Variants in BPNT2 observed in about 807,000 individuals in gnomAD.
BPNT2 encodes the protein 3'(2'), 5'-bisphosphate nucleotidase 2.
Under a neutral mutation model 29.3 loss-of-function variants are expected in BPNT2, and 11 were observed. That is an observed-to-expected ratio of 0.38 (90% CI 0.24 to 0.62). The LOEUF (loss-of-function observed/expected upper bound fraction) is 0.62. BPNT2 is among the 20% of genes least tolerant of loss of function. BPNT2 has a pLI of 0.62. For missense variants in BPNT2, 459 were observed against 473.4 expected (o/e 0.97, Z 0.28); for synonymous variants, 195 against 187.7 (o/e 1.04, Z -0.32).
intron 3 of BPNT2, among the ~76,000 whole-genome samples, chr8:56,969,850 C>A (rs1444692295): frequency 1.3e-5 from 2 of 152,146 alleles, no homozygotes; most frequent in African/African-American, 4.8e-5. Flanking sequence ...AGAGAGGAAG[C>A]CTGTTCCTTC....
chr8:56,961,172 A>G lies in BPNT2; in HGVS notation c.*2621T>C, dbSNP rs1049383938. ...ATATTTTAAGAAAAATTGCCTCAAA[A>G]TAAGGGCAACAGTGAAGAAAAGACC... is the stretch of plus-strand genomic sequence containing the variant. On this transcript the variant is annotated 3_prime_UTR_variant, in exon 5 of 5. Transcript: ENST00000262644. 3 of 152,190 alleles carry G rather than the reference A, an allele frequency of 2.0e-5. No homozygotes were observed. The highest frequency in any genetic ancestry group is 7.2e-5 in the African/African-American group (3 of 41,444). 9.4% of individuals were successfully genotyped at this position (152,190 alleles called of 1,614,324 possible).
intron 3 of BPNT2, among the ~76,000 whole-genome samples, chr8:56,969,936 G>T (rs1806004919): frequency 6.6e-6 from 1 of 152,042 alleles, no homozygotes; most frequent in African/African-American, 2.4e-5. Context: ...TAAAGTAAAA[G>T]AATTAAACAT....
In BPNT2 at chr8:56,960,267, C is replaced by T. The variant is rs746323333; in HGVS notation, c.*3526G>A. On this transcript the variant is annotated 3_prime_UTR_variant, in exon 5 of 5. Coordinates refer to ENST00000262644, the MANE Select transcript of BPNT2 (RefSeq NM_017813.5). Reference sequence around the variant, plus strand: ...TCACCTTCAAAGCCTAAGTGAGATCCAATTTTTGAATTCAACATGAAACAA... The same window carrying T: ...TCACCTTCAAAGCCTAAGTGAGATCTAATTTTTGAATTCAACATGAAACAA... 1 of 152,190 alleles carries T rather than the reference C, an allele frequency of 6.6e-6. No homozygotes were observed. The highest frequency in any genetic ancestry group is 1.5e-5 in the Non-Finnish European group (1 of 68,042). 9.4% of individuals were successfully genotyped at this position (152,190 alleles called of 1,614,324 possible).
intron 3 of BPNT2, among the ~76,000 whole-genome samples, chr8:56,969,245 C>T (rs1805995243): frequency 6.6e-6 from 1 of 152,124 alleles, no homozygotes; most frequent in Admixed American, 6.5e-5. Context: ...ACAGAGTGAA[C>T]CAAAGACTGT....
In BPNT2 at chr8:56,966,207, G is replaced by A. The variant is rs548576197; in HGVS notation, c.792C>T (p.Ile264=). The change falls in exon 4 of 5, where the codon ATC becomes ATT. Residue 264 remains isoleucine (I), a synonymous_variant. Coordinates refer to ENST00000262644, the MANE Select transcript of BPNT2 (RefSeq NM_017813.5). ...LQTFGNQTTI[I]PAGGAGYKVL... is the part of the protein sequence containing the mutation. ...GGAACATACCAGCACCACCAGCTGG[G>A]ATAATTGTAGTCTGGTTTCCAAAAG... 167 of 1,614,146 alleles carry A rather than the reference G, an allele frequency of 1.0e-4. No individual in the cohort carries two copies. Among genetic ancestry groups the A allele is most frequent in the Non-Finnish European group, 1.4e-4 (160 of 1,180,000 alleles).
chr8:56,971,922 C>A (rs1364618066), intron 3 of BPNT2, among the ~76,000 whole-genome samples: 1 of 151,310 alleles, frequency 6.6e-6, no homozygotes, highest in African/African-American at 2.4e-5. Context: ...GGTGATACCC[C>A]GTCTCTACTA....
chr8:56,970,694 CCTTA>C (rs1806016851), intron 3 of BPNT2, among the ~76,000 whole-genome samples: 2 of 152,158 alleles, frequency 1.3e-5, no homozygotes, highest in East Asian at 1.9e-4. Context: ...TAGAAAATCT[CCTTA>C]CTTTTTAGAG....
At chr8:56,979,328 T>C (rs1413963250) in intron 2 of BPNT2, among the ~76,000 whole-genome samples, 1 of 152,242 alleles carries the variant, frequency 6.6e-6, no homozygotes, top group Non-Finnish European at 1.5e-5. Flanking sequence ...TAAATGTTAT[T>C]ACTATATGAA....
chr8:56,972,135 G>A (rs767291757), intron 3 of BPNT2, among the ~76,000 whole-genome samples: 1 of 151,836 alleles, frequency 6.6e-6, no homozygotes, highest in East Asian at 1.9e-4. Context: ...TCATCTCTGT[G>A]TGAGCAGTTT....
At chr8:56,969,253 T>C (rs1406000916) in intron 3 of BPNT2, among the ~76,000 whole-genome samples, 2 of 152,234 alleles carry the variant, frequency 1.3e-5, no homozygotes, top group Non-Finnish European at 2.9e-5. Context: ...AACCAAAGAC[T>C]GTATAACTAG....
rs571630819 is a variant in BPNT2 at position 56,978,664 on chromosome 8, TA to T, written c.551-520del. Among the ~76,000 whole-genome samples the T allele has an allele frequency of 5.6e-3, 803 of 143,712 alleles. 7 individuals are homozygous for T. Among genetic ancestry groups the T allele is most frequent in the African/African-American group, 0.014 (544 of 39,432 alleles). The allele number at this position is 143,712 out of a possible 152,430, so 94.3% of individuals were successfully genotyped here. A position where few individuals can be genotyped will look rare whatever the true frequency, so the allele number is the denominator to read the frequency against. ...AAATGCCCATCAATGATAGACCAGG[TA>T]AAAAAAAAAAAATGTGGTACATATA... On this transcript the variant is annotated intron_variant, in intron 2 of 4. Transcript: ENST00000262644.
At chr8:56,964,165 T>C (rs1805898237) in intron 4 of BPNT2, 101 bp from the exon 5 acceptor site, 1 of 798,540 alleles carries the variant, frequency 1.3e-6, no homozygotes, top group Non-Finnish European at 2.0e-6. Context: ...GGATGGAGTG[T>C]GCAGGAGCTT....
chr8:56,971,778 T>TACC (rs1806036531), intron 3 of BPNT2, among the ~76,000 whole-genome samples: 3 of 37,498 alleles, frequency 8.0e-5, no homozygotes, highest in African/African-American at 1.4e-4. Context: ...AATAATTTTG[T>TACC]ACCACCCCCC....
chr8:56,981,883 G>A (rs997029599), intron 1 of BPNT2, among the ~76,000 whole-genome samples: 1 of 152,084 alleles, frequency 6.6e-6, no homozygotes, highest in Admixed American at 6.6e-5. Context: ...TACATGTGAT[G>A]CCATGCCTAG....
Position 56,962,027 on chromosome 8 carries a change from T to G in BPNT2, c.*1766A>C, listed in dbSNP as rs1805846640. ...GGCAACAGCATATACCTTTGCCATC[T>G]CTCCTGAAAAAGAAAGTTTCTTCAG... On this transcript the variant is annotated 3_prime_UTR_variant, in exon 5 of 5. Coordinates refer to ENST00000262644, the MANE Select transcript of BPNT2 (RefSeq NM_017813.5). 1 of 152,030 alleles carries G rather than the reference T, an allele frequency of 6.6e-6. No individual in the cohort carries two copies. The highest frequency in any genetic ancestry group is 2.4e-5 in the African/African-American group (1 of 41,370). The allele number at this position is 152,030 out of a possible 1,614,324, so 9.4% of individuals were successfully genotyped here.
intron 1 of BPNT2, among the ~76,000 whole-genome samples, chr8:56,981,131 C>A (rs951092747): frequency 2.0e-5 from 3 of 152,098 alleles, no homozygotes; most frequent in Non-Finnish European, 4.4e-5. Flanking sequence ...CCAGCAACAA[C>A]ACCCTCAGGT....
At chr8:56,977,681 C>G (rs934618112) in intron 3 of BPNT2, among the ~76,000 whole-genome samples, 1 of 152,108 alleles carries the variant, frequency 6.6e-6, no homozygotes, top group Admixed American at 6.6e-5. Context: ...TCCAATATGA[C>G]TGGTGTGCTT....
intron 1 of BPNT2, among the ~76,000 whole-genome samples, chr8:56,983,529 A>C (rs1806280382): frequency 6.6e-6 from 1 of 152,160 alleles, no homozygotes; most frequent in Non-Finnish European, 1.5e-5. Context: ...AGGCTGCAAC[A>C]CAGAGCCAGT....
At chr8:56,987,348 T>C (rs1276471708) in intron 1 of BPNT2, among the ~76,000 whole-genome samples, 1 of 152,212 alleles carries the variant, frequency 6.6e-6, no homozygotes, top group Non-Finnish European at 1.5e-5. Context: ...GATTAGCATT[T>C]GAATCAGTGA....
Sources: gnomAD v4.1 joint callset for allele counts (sites outside exome capture counted in the v4.1 genomes callset) on GRCh38, gnomAD v4.1.1 for gene constraint, MANE v1.5 for transcripts, NCBI Gene and HGNC (gene_info 2026-07-23, HGNC 2026-07-21) for gene names.